MYRFL: variants seen among roughly 807,000 people sequenced by gnomAD.
MYRFL encodes myelin regulatory factor like, also known as myelin regulatory factor-like protein.
A neutral mutation model predicts 109.4 loss-of-function variants in MYRFL; 88 were observed. That is an observed-to-expected ratio of 0.80 (90% CI 0.68 to 0.96). MYRFL has a LOEUF of 0.96. Among genes scored for constraint, MYRFL ranks in the 40% least tolerant of loss-of-function variants. The pLI is 0.00. For synonymous variants in MYRFL, 324 were observed against 320.9 expected, an observed-to-expected ratio of 1.01 and a Z score of -0.10; for missense variants, 957 against 954.9, an observed-to-expected ratio of 1.00 and a Z score of -0.03.
chr12:69,873,645 G>A (rs1184529646), intron 2 of MYRFL, among the ~76,000 whole-genome samples: 1 of 152,164 alleles, frequency 6.6e-6, no homozygotes, highest in Non-Finnish European at 1.5e-5. Flanking sequence ...AAAAGGGGAT[G>A]ATTCATGGTT....
At chr12:69,925,133 T>C (rs1455501211) in intron 13 of MYRFL, among the ~76,000 whole-genome samples, 1 of 152,178 alleles carries the variant, frequency 6.6e-6, no homozygotes, top group East Asian at 1.9e-4. Flanking sequence ...TGACTAGTGG[T>C]CTCTGGGGAG....
At chr12:69,945,716 G>C (rs908077276) in intron 19 of MYRFL, among the ~76,000 whole-genome samples, 2 of 151,940 alleles carry the variant, frequency 1.3e-5, no homozygotes, top group African/African-American at 4.8e-5. Flanking sequence ...GGCTGGGCGC[G>C]GTGGCTCACG....
intron 1 of MYRFL, among the ~76,000 whole-genome samples, chr12:69,828,662 G>T (rs1038947377): frequency 5.3e-5 from 8 of 152,046 alleles, no homozygotes; most frequent in Non-Finnish European, 8.8e-5. Flanking sequence ...TGTGCCAAGC[G>T]CCGTGCTATT....
At position 69,901,854 on chromosome 12, in the gene MYRFL, C is replaced by T. The variant is rs1022066011; in HGVS notation, c.1183-1790C>T. 3.3e-5 allele frequency among the ~76,000 whole-genome samples: 5 copies of T among 151,926 alleles called. No individual in the cohort carries two copies. The South Asian group carries it at 8.3e-4, about 25-fold the overall frequency. Reference sequence around the variant, plus strand: ...TACTCTTCCCCCACTCCCCACTACCCTCCCACCCCATTACATTCTTTCACT... The same window carrying T: ...TACTCTTCCCCCACTCCCCACTACCTTCCCACCCCATTACATTCTTTCACT... On this transcript the variant is annotated intron_variant, in intron 10 of 24. Coordinates refer to ENST00000552032, the MANE Select transcript of MYRFL (RefSeq NM_182530.3).
chr12:69,926,474 A>G (rs1152964), intron 13 of MYRFL, 97 bp from the exon 14 acceptor site: 322,375 of 1,044,536 alleles, frequency 0.31, 51,461 homozygotes, highest in Non-Finnish European at 0.33. Flanking sequence ...AACCATTTTC[A>G]ACAGTATAAT....
chr12:69,897,145 C>G lies in MYRFL; in HGVS notation c.1092-11C>G. On this transcript the variant is annotated splice_polypyrimidine_tract_variant and intron_variant, in intron 9 of 24. Transcript: ENST00000552032. Reference sequence around the variant, plus strand: ...TGATGCATTGGCATTGGTCTGCTGTCTCTGAATTAGATACTTCATGTTGGT... The same window carrying G: ...TGATGCATTGGCATTGGTCTGCTGTGTCTGAATTAGATACTTCATGTTGGT... The G allele has an allele frequency of 6.5e-7, 1 of 1,529,734 alleles. No individual in the cohort carries two copies. The highest frequency in any genetic ancestry group is 8.8e-7 in the Non-Finnish European group (1 of 1,141,176). 94.8% of individuals were successfully genotyped at this position (1,529,734 alleles called of 1,614,324 possible). A position where few individuals can be genotyped will look rare whatever the true frequency, so the allele number is the denominator to read the frequency against.
intron 1 of MYRFL, among the ~76,000 whole-genome samples, chr12:69,846,585 T>A (rs1477015251): frequency 6.6e-6 from 1 of 152,116 alleles, no homozygotes; most frequent in African/African-American, 2.4e-5. Context: ...ATTTTCTTAA[T>A]CCAGTCTATC....
intron 11 of MYRFL, among the ~76,000 whole-genome samples, chr12:69,908,108 T>C (rs1954429736): frequency 6.6e-6 from 1 of 152,114 alleles, no homozygotes; most frequent in Admixed American, 6.5e-5. Context: ...TCCTTCCCCC[T>C]CCCTTCCTAT....
intron 1 of MYRFL, among the ~76,000 whole-genome samples, chr12:69,850,835 T>G (rs1883835898): frequency 6.6e-6 from 1 of 152,178 alleles, no homozygotes; most frequent in Admixed American, 6.5e-5. Flanking sequence ...TTCTTGTGAT[T>G]CATTCTTGAT....
intron 19 of MYRFL, among the ~76,000 whole-genome samples, chr12:69,939,730 C>T (rs200535967): frequency 1.0e-3 from 152 of 151,666 alleles, no homozygotes; most frequent in Middle Eastern, 6.8e-3. Flanking sequence ...AGGCTTCAGA[C>T]GATCAAATTA....
At position 69,936,026 on chromosome 12, in the gene MYRFL, T is replaced by G. The variant is rs7308650; in HGVS notation, c.1917-87T>G. 7.4e-4 allele frequency: 1,070 copies of G among 1,443,670 alleles called. 9 individuals carry two copies. The African/African-American group carries it at 0.014, about 19-fold the overall frequency. 89.4% of individuals were successfully genotyped at this position (1,443,670 alleles called of 1,614,324 possible). A position where few individuals can be genotyped will look rare whatever the true frequency, so the allele number is the denominator to read the frequency against. ...TCTGTGTGGCCTGTGAGAGTACATCTCTGGCCAGCTGGATGTGTGAGATAT... is the reference window on the plus strand; with the variant it reads ...TCTGTGTGGCCTGTGAGAGTACATCGCTGGCCAGCTGGATGTGTGAGATAT... On this transcript the variant is annotated intron_variant, in intron 16 of 24. Coordinates refer to ENST00000552032, the MANE Select transcript of MYRFL (RefSeq NM_182530.3).
At chr12:69,886,730 C>T in intron 5 of MYRFL, 90 bp from the exon 6 acceptor site, 1 of 1,441,438 alleles carries the variant, frequency 6.9e-7, no homozygotes. Context: ...CTGCCTTACA[C>T]ATGGCCCACT....
intron 1 of MYRFL, among the ~76,000 whole-genome samples, chr12:69,850,224 C>T (rs73335898): frequency 3.9e-5 from 6 of 152,116 alleles, no homozygotes; most frequent in East Asian, 1.9e-4. Context: ...TAAACCTCTT[C>T]GTTTTGTAAA....
chr12:69,918,676 A>G (rs1052170180), intron 13 of MYRFL, among the ~76,000 whole-genome samples: 3 of 152,218 alleles, frequency 2.0e-5, no homozygotes, highest in African/African-American at 7.2e-5. Flanking sequence ...AAGGAGCATC[A>G]TATTGTTTTA....
chr12:69,912,965 G>A (rs1469340310), intron 13 of MYRFL, among the ~76,000 whole-genome samples: 1 of 151,934 alleles, frequency 6.6e-6, no homozygotes, highest in Non-Finnish European at 1.5e-5. Flanking sequence ...ACCGATGCTT[G>A]TAATTTTTTT....
intron 16 of MYRFL, among the ~76,000 whole-genome samples, chr12:69,932,818 T>G (rs1255048174): frequency 6.6e-6 from 1 of 152,036 alleles, no homozygotes; most frequent in Non-Finnish European, 1.5e-5. Flanking sequence ...GTGACATGAT[T>G]TTTTTTCAAT....
chr12:69,840,932 A>C (rs536772807), intron 1 of MYRFL, among the ~76,000 whole-genome samples: 3 of 152,358 alleles, frequency 2.0e-5, no homozygotes, highest in East Asian at 3.9e-4. Context: ...TTTTTATTTT[A>C]TCTCTCAATT....
At chr12:69,895,794 T>C (rs552374643) in intron 9 of MYRFL, among the ~76,000 whole-genome samples, 1 of 152,228 alleles carries the variant, frequency 6.6e-6, no homozygotes, top group Non-Finnish European at 1.5e-5. Context: ...GATTGAGGGC[T>C]GGCTGCATTT....
chr12:69,907,223 T>C (rs1273036491), intron 11 of MYRFL, among the ~76,000 whole-genome samples: 1 of 152,228 alleles, frequency 6.6e-6, no homozygotes, highest in Admixed American at 6.5e-5. Flanking sequence ...AGGAACATTG[T>C]CATATAAAAT....
Sources: allele counts gnomAD v4.1 joint callset (sites outside exome capture counted in the v4.1 genomes callset), GRCh38; gene constraint gnomAD v4.1.1; transcripts MANE v1.5; gene names NCBI Gene and HGNC (gene_info 2026-07-23, HGNC 2026-07-21).